Variants in TBC1D22A observed in about 807,000 individuals in gnomAD.
The protein encoded by TBC1D22A is putative GTPase activator.
Under a neutral mutation model 60.2 loss-of-function variants are expected in TBC1D22A, and 38 were observed. That is an observed-to-expected ratio of 0.63 (90% CI 0.49 to 0.83). The LOEUF (loss-of-function observed/expected upper bound fraction) is 0.83. Ranked by LOEUF, TBC1D22A falls within the 40% of genes least tolerant of loss-of-function variation. TBC1D22A has a pLI of 0.00. For synonymous variants in TBC1D22A, 302 were observed against 281.7 expected (o/e 1.07, Z -0.72); for missense variants, 628 against 701.0 (o/e 0.90, Z 1.18).
intron 9 of TBC1D22A, among the ~76,000 whole-genome samples, chr22:46,996,750 T>TCATG (rs1723278261): frequency 6.6e-6 from 1 of 152,192 alleles, no homozygotes; most frequent in Non-Finnish European, 1.5e-5. Flanking sequence ...AGCTGCCTCT[T>TCATG]CATGTTCCTG....
At chr22:46,860,646 A>G (rs1167686053) in intron 4 of TBC1D22A, among the ~76,000 whole-genome samples, 48 of 131,804 alleles carry the variant, frequency 3.6e-4, no homozygotes, top group South Asian at 1.0e-3. Context: ...CCCTTCCCGG[A>G]ACCAGAATCC....
At chr22:46,866,366 A>G (rs2147392047) in intron 4 of TBC1D22A, among the ~76,000 whole-genome samples, 1 of 152,276 alleles carries the variant, frequency 6.6e-6, no homozygotes, top group South Asian at 2.1e-4. Flanking sequence ...CAGCCTCCCA[A>G]AGTGCTGGGA....
At chr22:47,169,923 G>A (rs570179573) in intron 12 of TBC1D22A, among the ~76,000 whole-genome samples, 10 of 152,362 alleles carry the variant, frequency 6.6e-5, no homozygotes, top group African/African-American at 1.9e-4. Flanking sequence ...AGGCAGCACC[G>A]TCATTGCTGG....
intron 11 of TBC1D22A, among the ~76,000 whole-genome samples, chr22:47,091,948 C>T (rs189427293): frequency 6.6e-4 from 100 of 152,328 alleles, no homozygotes; most frequent in Non-Finnish European, 1.1e-3. Context: ...ATCTCTAATT[C>T]TTACCATCAT....
chr22:46,951,287 A>G (rs562438078), intron 8 of TBC1D22A, among the ~76,000 whole-genome samples: 1 of 152,326 alleles, frequency 6.6e-6, no homozygotes, highest in South Asian at 2.1e-4. Flanking sequence ...CATTATTATT[A>G]CAATAATAAT....
At chr22:46,845,479 T>G (rs906399715) in intron 4 of TBC1D22A, among the ~76,000 whole-genome samples, 2 of 152,210 alleles carry the variant, frequency 1.3e-5, no homozygotes, top group African/African-American at 4.8e-5. Flanking sequence ...ATATTTTTCC[T>G]TTCGGTTTTG....
chr22:46,792,132 G>T (rs1437835693), intron 1 of TBC1D22A, among the ~76,000 whole-genome samples: 1 of 152,234 alleles, frequency 6.6e-6, no homozygotes, highest in Non-Finnish European at 1.5e-5. Context: ...ATGATGGCAG[G>T]TGAGAATTCC....
At chr22:47,003,699 C>T (rs111166405) in intron 10 of TBC1D22A, among the ~76,000 whole-genome samples, 30 of 113,724 alleles carry the variant, frequency 2.6e-4, no homozygotes, top group African/African-American at 5.2e-4. Flanking sequence ...ATACACACAC[C>T]CTACACACAT....
At chr22:46,897,125 A>G (rs2068718943) in intron 7 of TBC1D22A, among the ~76,000 whole-genome samples, 1 of 152,186 alleles carries the variant, frequency 6.6e-6, no homozygotes, top group Non-Finnish European at 1.5e-5. Flanking sequence ...TGCTTTGAAC[A>G]AAGAATTGGA....
At position 46,874,692 on chromosome 22, in the gene TBC1D22A, G is replaced by A. The variant is rs183938361; in HGVS notation, c.638-3961G>A. ...GGGTTCAAGTGATTCTCCTGCCTTA[G>A]CCTCCCAAGTAGCTGGGATTACAGG... On this transcript the variant is annotated intron_variant, in intron 4 of 12. Coordinates refer to ENST00000337137, the MANE Select transcript of TBC1D22A (RefSeq NM_014346.5). Among the ~76,000 whole-genome samples, 114 of 145,766 alleles carry A rather than the reference G, an allele frequency of 7.8e-4. No individual in the cohort carries two copies. In the Middle Eastern group the frequency reaches 0.015, roughly 19 times the overall value.
At position 46,972,426 on chromosome 22, in the gene TBC1D22A, G is replaced by A. The variant is rs948702162; in HGVS notation, c.1016-1864G>A. On this transcript the variant is annotated intron_variant, in intron 8 of 12. Coordinates refer to ENST00000337137, the MANE Select transcript of TBC1D22A (RefSeq NM_014346.5). ...TACCAGCCGAGGCATGCAGAGACGC[G>A]GCGTGGCCTGGCCGTAGGGGTGCGG... is the stretch of plus-strand genomic sequence containing the variant. Among the ~76,000 whole-genome samples the A allele has an allele frequency of 5.3e-5, 8 of 152,302 alleles. No homozygotes were observed. In the East Asian group the frequency reaches 7.7e-4, roughly 15 times the overall value.
At chr22:46,881,559 G>A (rs2067852204) in intron 5 of TBC1D22A, among the ~76,000 whole-genome samples, 1 of 152,180 alleles carries the variant, frequency 6.6e-6, no homozygotes, top group African/African-American at 2.4e-5. Flanking sequence ...ACAGGCGTGT[G>A]GCAGGCAACT....
At chr22:47,122,416 A>C (rs931283537) in intron 12 of TBC1D22A, among the ~76,000 whole-genome samples, 8 of 152,102 alleles carry the variant, frequency 5.3e-5, no homozygotes, top group African/African-American at 1.9e-4. Flanking sequence ...GAGTGTGGTC[A>C]TTTCTGAGTA....
intron 10 of TBC1D22A, among the ~76,000 whole-genome samples, chr22:47,016,052 A>G (rs894592904): frequency 1.3e-5 from 2 of 152,114 alleles, no homozygotes; most frequent in African/African-American, 2.4e-5. Context: ...GGGGTTCCTG[A>G]AGAGTCAGCA....
intron 11 of TBC1D22A, 95 bp downstream of exon 11, chr22:47,037,293 T>C: frequency 6.5e-7 from 1 of 1,533,518 alleles, no homozygotes; most frequent in Non-Finnish European, 8.8e-7. Flanking sequence ...TGCATTCGAT[T>C]TTTTCTTCCA....
chr22:46,941,305 C>A (rs2072038368), intron 8 of TBC1D22A, among the ~76,000 whole-genome samples: 1 of 148,554 alleles, frequency 6.7e-6, no homozygotes, highest in Non-Finnish European at 1.5e-5. Flanking sequence ...ACAGTCTACC[C>A]TTGAACAGCA....
chr22:46,776,701 A>G (rs1323721749), intron 1 of TBC1D22A, among the ~76,000 whole-genome samples: 1 of 151,726 alleles, frequency 6.6e-6, no homozygotes, highest in Non-Finnish European at 1.5e-5. Context: ...GGAGAGAGAG[A>G]GGAAGGGGAC....
chr22:46,998,383 C>G (rs2075192774), intron 10 of TBC1D22A, among the ~76,000 whole-genome samples: 1 of 152,074 alleles, frequency 6.6e-6, no homozygotes, highest in African/African-American at 2.4e-5. Flanking sequence ...CCAAGCAGAA[C>G]CGGGCATGTA....
chr22:47,043,125 G>A lies in TBC1D22A; in HGVS notation c.1329+5927G>A, dbSNP rs997978758. On this transcript the variant is annotated intron_variant, in intron 11 of 12. Coordinates refer to ENST00000337137, the MANE Select transcript of TBC1D22A (RefSeq NM_014346.5). ...CTTTTCTCAGAGAGGGATCCTGACA[G>A]CAAACCAGCAGCATCTCTCAGGCAC... Among the ~76,000 whole-genome samples the A allele has an allele frequency of 3.3e-5, 5 of 152,394 alleles. No homozygotes were observed. The East Asian group carries it at 7.7e-4, about 24-fold the overall frequency.
Sources: allele counts gnomAD v4.1 joint callset (sites outside exome capture counted in the v4.1 genomes callset), GRCh38; gene constraint gnomAD v4.1.1; transcripts MANE v1.5; gene names NCBI Gene and HGNC (gene_info 2026-07-23, HGNC 2026-07-21).